Variants in VGLL1 observed in about 807,000 individuals in gnomAD.
VGLL1 encodes vestigial like family member 1.
In VGLL1, 4 loss-of-function variants were observed where a neutral mutation model predicts 12.0. The observed-to-expected ratio is 0.33, with a 90% confidence interval of 0.16 to 0.76. The LOEUF (loss-of-function observed/expected upper bound fraction) is 0.76, where lower values mean the gene tolerates loss of function less well. Ranked by LOEUF, VGLL1 falls within the 30% of genes least tolerant of loss-of-function variation. The probability of loss-of-function intolerance (pLI) is 0.60; values close to 1 mark genes in which losing one functional copy is unlikely to be tolerated. For missense variants in VGLL1, 204 were observed against 208.7 expected (o/e 0.98, Z 0.14); for synonymous variants, 87 against 81.2 (o/e 1.07, Z -0.39).
At chrX:136,549,059 T>C (rs1324585072) in intron 3 of VGLL1, 51 bp downstream of exon 3, 10 of 1,144,608 alleles carry the variant, frequency 8.7e-6, no homozygotes, top group Non-Finnish European at 9.4e-6. Context: ...TTGGTTGTGG[T>C]TGAGAGTGAG....
At chrX:136,546,858 C>T (rs966774280) in intron 2 of VGLL1, among the ~76,000 whole-genome samples, 1 of 112,684 alleles carries the variant, frequency 8.9e-6, no homozygotes, top group South Asian at 3.6e-4. Context: ...TCAGAAGTAG[C>T]ATTCACCCTC....
intron 2 of VGLL1, among the ~76,000 whole-genome samples, chrX:136,545,685 G>T (rs939354530): frequency 9.0e-6 from 1 of 111,546 alleles, no homozygotes; most frequent in African/African-American, 3.3e-5. Flanking sequence ...AACTAATCTG[G>T]AATAGGAAGT....
chrX:136,541,023 A>G, intron 2 of VGLL1, among the ~76,000 whole-genome samples: 1 of 112,456 alleles, frequency 8.9e-6, no homozygotes, highest in Non-Finnish European at 1.9e-5. Flanking sequence ...TAGTAAGTGC[A>G]ATGTAGTCCA....
At chrX:136,550,893 G>A (rs1330081167) in intron 4 of VGLL1, 72 bp downstream of exon 4, 1 of 972,104 alleles carries the variant, frequency 1.0e-6, no homozygotes. Flanking sequence ...TAAGGCTTCT[G>A]TCTACTACTG....
chrX:136,539,331 C>T (rs1033902090), intron 2 of VGLL1, among the ~76,000 whole-genome samples: 1 of 111,203 alleles, frequency 9.0e-6, no homozygotes, highest in Non-Finnish European at 1.9e-5. Flanking sequence ...TGTACTCTGT[C>T]CTTTCCTCTC....
At chrX:136,546,473 C>A (rs1040020829) in intron 2 of VGLL1, among the ~76,000 whole-genome samples, 12 of 112,363 alleles carry the variant, frequency 1.1e-4, no homozygotes, top group Admixed American at 9.4e-4. Flanking sequence ...CCTGTGCGTG[C>A]CCATAAGCTC....
At chrX:136,534,824 A>G (rs934869598) in intron 1 of VGLL1, among the ~76,000 whole-genome samples, 1 of 112,170 alleles carries the variant, frequency 8.9e-6, no homozygotes, top group Non-Finnish European at 1.9e-5. Context: ...ATGACTGTCA[A>G]CCAGAGGAAA....
intron 1 of VGLL1, among the ~76,000 whole-genome samples, chrX:136,533,742 G>A (rs1477912808): frequency 8.9e-6 from 1 of 111,743 alleles, no homozygotes; most frequent in African/African-American, 3.3e-5. Context: ...AGGCCCCCTA[G>A]GGATTAGGAG....
chrX:136,542,959 A>T (rs906963765), intron 2 of VGLL1, among the ~76,000 whole-genome samples: 2 of 111,727 alleles, frequency 1.8e-5, no homozygotes. Context: ...CTTCACACCA[A>T]CTCTACTGGT....
chrX:136,542,212 TA>T lies in VGLL1; in HGVS notation c.214+5989del, dbSNP rs1556056743. On this transcript the variant is annotated intron_variant, in intron 2 of 4. Coordinates refer to ENST00000370634, the MANE Select transcript of VGLL1 (RefSeq NM_016267.4). ...GTAGGGAAGAAATGCTGGCTTTTTT[TA>T]AAAAAAAAAAGTGTAAATATCTATG... 6.6e-4 allele frequency among the ~76,000 whole-genome samples: 70 copies of T among 105,425 alleles called. No individual in the cohort carries two copies. In the East Asian group the frequency reaches 7.4e-3, roughly 11 times the overall value. The allele number at this position is 105,425 out of a possible 115,157, so 91.5% of individuals were successfully genotyped here.
At chrX:136,550,070 A>C (rs1306750118) in intron 3 of VGLL1, among the ~76,000 whole-genome samples, 1 of 112,499 alleles carries the variant, frequency 8.9e-6, no homozygotes, top group Non-Finnish European at 1.9e-5. Context: ...CTAATGTGGA[A>C]AACAAATTTC....
chrX:136,536,049 G>A lies in VGLL1; in HGVS notation c.29G>A (p.Arg10Gln), dbSNP rs139524203. 5.9e-5 allele frequency: 71 copies of A among 1,209,370 alleles called. No individual in the cohort carries two copies. Among genetic ancestry groups the A allele is most frequent in the Middle Eastern group, 2.3e-4 (1 of 4,333 alleles). ...GAAGAAATGAAGAAGACTGCCATCC[G>A]GCTGCCCAAAGGCAAACAGAAGCCT... MEEMKKTAI[R>Q]LPKGKQKPIK... is the part of the protein sequence containing the mutation. Residue 10 changes from arginine to glutamine, a missense_variant, in exon 2 of 5, where the codon CGG (arginine) becomes CAG (glutamine). Coordinates refer to ENST00000370634, the MANE Select transcript of VGLL1 (RefSeq NM_016267.4).
Position 136,556,481 on chromosome X carries a change from A to C in VGLL1, c.719A>C (p.Tyr240Ser). The C allele has an allele frequency of 8.3e-7, 1 of 1,211,035 alleles. No homozygotes were observed. Among genetic ancestry groups the C allele is most frequent in the East Asian group, 3.0e-5 (1 of 33,854 alleles). The change falls in exon 5 of 5, where the codon TAC (tyrosine) becomes TCC (serine). Residue 240 changes from tyrosine (Y) to serine (S), a missense_variant. Physicochemically the swap from Tyr to Ser is moderately radical, Grantham distance 144. Transcript: ENST00000370634. The stretch of plus-strand genomic sequence containing the variant: ...TCAGAGTTAGAGACACCTGGGAAAT[A>C]CTCACTTACACCACCAAACCACTGG... ...TLSELETPGKYSLTPPNHWGH... is the reference protein window; with the variant it reads ...TLSELETPGKSSLTPPNHWGH...
At chrX:136,555,176 T>C (rs1389620008) in intron 4 of VGLL1, among the ~76,000 whole-genome samples, 1 of 111,449 alleles carries the variant, frequency 9.0e-6, no homozygotes, top group Non-Finnish European at 1.9e-5. Flanking sequence ...ACAGAAGGAG[T>C]GATCAACTGT....
intron 2 of VGLL1, among the ~76,000 whole-genome samples, chrX:136,547,413 A>T (rs1232639795): frequency 3.6e-5 from 4 of 112,023 alleles, no homozygotes; most frequent in Non-Finnish European, 5.6e-5. Flanking sequence ...ATCCCTCTTA[A>T]CCAATCCACA....
intron 2 of VGLL1, among the ~76,000 whole-genome samples, chrX:136,540,756 G>A (rs1470849481): frequency 9.0e-6 from 1 of 111,550 alleles, no homozygotes; most frequent in Non-Finnish European, 1.9e-5. Context: ...TTGAACGAAT[G>A]AAATTATGAT....
chrX:136,533,473 A>G (rs1003164068), intron 1 of VGLL1, among the ~76,000 whole-genome samples: 1 of 111,470 alleles, frequency 9.0e-6, no homozygotes, highest in Non-Finnish European at 1.9e-5. Context: ...TAATGTCCTC[A>G]GGGTCCTACC....
intron 4 of VGLL1, among the ~76,000 whole-genome samples, chrX:136,552,629 G>A (rs909771098): frequency 8.9e-6 from 1 of 111,998 alleles, no homozygotes. Context: ...TGTCCTAGGT[G>A]CTTTACTCAA....
chrX:136,533,228 T>C (rs998907521), intron 1 of VGLL1, among the ~76,000 whole-genome samples: 7 of 111,705 alleles, frequency 6.3e-5, no homozygotes, highest in Admixed American at 5.7e-4. Flanking sequence ...GCTTTCCTTT[T>C]GATTGTGTGC....
Sources: gnomAD v4.1 joint callset for allele counts (sites outside exome capture counted in the v4.1 genomes callset) on GRCh38, gnomAD v4.1.1 for gene constraint, MANE v1.5 for transcripts, NCBI Gene and HGNC (gene_info 2026-07-23, HGNC 2026-07-21) for gene names.